The following DGKB variants were observed in gnomAD, a reference collection of about 807,000 sequenced individuals.
DGKB encodes 90 kDa diacylglycerol kinase.
DGKB carries 67 observed loss-of-function variants against 114.3 expected under a neutral mutation model. The ratio of observed to expected loss-of-function variants is 0.59; its 90% CI spans 0.48 to 0.72. The LOEUF (loss-of-function observed/expected upper bound fraction) is 0.72, where lower values mean the gene tolerates loss of function less well. DGKB is among the 30% of genes least tolerant of loss of function. The pLI, the probability that DGKB is intolerant of heterozygous loss-of-function variation, is 0.00. For missense variants in DGKB, 907 were observed against 975.2 expected (o/e 0.93, Z 0.93); for synonymous variants, 398 against 323.1 (o/e 1.23, Z -2.49).
chr7:14,469,540 A>G (rs1398483343), intron 21 of DGKB, among the ~76,000 whole-genome samples: 1 of 152,032 alleles, frequency 6.6e-6, no homozygotes, highest in Non-Finnish European at 1.5e-5. Flanking sequence ...CCAAAGAGCC[A>G]TCTTACAAAC....
intron 2 of DGKB, among the ~76,000 whole-genome samples, chr7:14,777,900 T>C (rs1838446243): frequency 1.3e-5 from 2 of 152,194 alleles, no homozygotes; most frequent in African/African-American, 4.8e-5. Flanking sequence ...TAATTTGTCA[T>C]AGCAGTGTAT....
chr7:14,884,498 T>C (rs1454303210), intron 1 of DGKB, among the ~76,000 whole-genome samples: 3 of 151,986 alleles, frequency 2.0e-5, no homozygotes, highest in Non-Finnish European at 4.4e-5. Flanking sequence ...AAAATATCTG[T>C]ACTTCTCCTG....
intron 20 of DGKB, among the ~76,000 whole-genome samples, chr7:14,501,193 T>C (rs931712869): frequency 6.6e-6 from 1 of 151,824 alleles, no homozygotes; most frequent in African/African-American, 2.4e-5. Context: ...GACTGTATGA[T>C]TTTTGTTAAA....
chr7:14,245,542 A>G (rs1201510921), intron 23 of DGKB, among the ~76,000 whole-genome samples: 1 of 152,164 alleles, frequency 6.6e-6, no homozygotes, highest in Non-Finnish European at 1.5e-5. Context: ...CCTTGGCAAG[A>G]CTAATGGTAT....
At chr7:14,696,063 T>C (rs1275943931) in intron 8 of DGKB, among the ~76,000 whole-genome samples, 3 of 152,178 alleles carry the variant, frequency 2.0e-5, no homozygotes, top group Non-Finnish European at 4.4e-5. Flanking sequence ...GTATTTGTTG[T>C]AGAAAGACTA....
At chr7:14,156,879 A>G (rs192578065) in intron 25 of DGKB, among the ~76,000 whole-genome samples, 16 of 152,306 alleles carry the variant, frequency 1.1e-4, no homozygotes, top group Admixed American at 1.0e-3. Flanking sequence ...ACATTCCTCA[A>G]TTTTGATAAT....
At chr7:14,262,039 CAAG>C (rs1562774844) in intron 23 of DGKB, among the ~76,000 whole-genome samples, 1 of 152,096 alleles carries the variant, frequency 6.6e-6, no homozygotes, top group Admixed American at 6.6e-5. Context: ...GGTGAATAAT[CAAG>C]AAGATGTATT....
intron 1 of DGKB, among the ~76,000 whole-genome samples, chr7:14,885,552 AT>A (rs1286595995): frequency 8.6e-5 from 13 of 151,834 alleles, no homozygotes; most frequent in Non-Finnish European, 1.3e-4. Flanking sequence ...ACAGTGGCAC[AT>A]AGAGATAAAA....
chr7:14,967,280 C>T (rs1787208853), intron 1 of DGKB, among the ~76,000 whole-genome samples: 1 of 151,890 alleles, frequency 6.6e-6, no homozygotes, highest in African/African-American at 2.4e-5. Flanking sequence ...CACAGCACAT[C>T]CTAAAGAACA....
At chr7:14,615,823 G>A (rs954948089) in intron 15 of DGKB, among the ~76,000 whole-genome samples, 2 of 151,534 alleles carry the variant, frequency 1.3e-5, no homozygotes, top group Non-Finnish European at 3.0e-5. Flanking sequence ...TAGTTAATTT[G>A]ATCTGTTTGA....
intron 23 of DGKB, among the ~76,000 whole-genome samples, chr7:14,248,208 T>C (rs1794745251): frequency 6.6e-6 from 1 of 152,136 alleles, no homozygotes; most frequent in African/African-American, 2.4e-5. Context: ...GGTTGACATG[T>C]CTGTTTTTAT....
At chr7:14,576,987 C>T (rs948273391) in intron 19 of DGKB, among the ~76,000 whole-genome samples, 5 of 152,068 alleles carry the variant, frequency 3.3e-5, no homozygotes, top group African/African-American at 1.2e-4. Flanking sequence ...ATATCTTTTC[C>T]CTACTTCTTG....
intron 23 of DGKB, among the ~76,000 whole-genome samples, chr7:14,208,533 CTT>C (rs1187841020): frequency 1.3e-5 from 2 of 151,996 alleles, no homozygotes; most frequent in African/African-American, 4.8e-5. Context: ...ATTTCTCCCT[CTT>C]TATACATCTT....
intron 23 of DGKB, among the ~76,000 whole-genome samples, chr7:14,249,038 C>T (rs373976534): frequency 3.3e-5 from 5 of 152,076 alleles, no homozygotes; most frequent in Admixed American, 6.5e-5. Context: ...ATTTGGTGAG[C>T]GTCTTTATTA....
intron 13 of DGKB, among the ~76,000 whole-genome samples, chr7:14,642,539 C>A (rs1050510781): frequency 2.0e-5 from 3 of 152,086 alleles, no homozygotes; most frequent in Non-Finnish European, 2.9e-5. Flanking sequence ...ACAGAAACAA[C>A]TTCACACAGA....
At chr7:14,819,783 A>G (rs931206018) in intron 2 of DGKB, among the ~76,000 whole-genome samples, 10 of 152,144 alleles carry the variant, frequency 6.6e-5, no homozygotes, top group African/African-American at 2.4e-4. Context: ...CATGTTCTTA[A>G]TATCTATACC....
rs563409245 is a variant in DGKB, at chr7:14,299,519, T to C, written c.2122+38996A>G. The stretch of plus-strand genomic sequence containing the variant: ...TTGCAATACAGAAAGCTAAATTAAC[T>C]TAACACTACAAAGATGCTTCATGCA... On this transcript the variant is annotated intron_variant, in intron 23 of 25. Coordinates refer to ENST00000402815, the MANE Select transcript of DGKB (RefSeq NM_001350709.2). 2.4e-4 allele frequency among the ~76,000 whole-genome samples: 36 copies of C among 152,214 alleles called. 1 individual carries two copies. The South Asian group carries it at 4.8e-3, about 20-fold the overall frequency.
At position 14,863,792 on chromosome 7, in the gene DGKB, T is replaced by TA. The variant is rs542539067; in HGVS notation, c.-187-22343dup. Among the ~76,000 whole-genome samples the TA allele has an allele frequency of 8.6e-3, 1,299 of 151,368 alleles. 15 individuals carry two copies. The highest frequency in any genetic ancestry group is 0.029 in the African/African-American group (1,183 of 41,302). On this transcript the variant is annotated intron_variant, in intron 1 of 25. Transcript: ENST00000402815. Reference sequence around the variant, plus strand: ...GATTCTGGGGCAGTATATGTTAAATTAAAAAAAAATTAACTTAAAAATGGA... The same window carrying TA: ...GATTCTGGGGCAGTATATGTTAAATTAAAAAAAAAATTAACTTAAAAATGGA...
intron 21 of DGKB, among the ~76,000 whole-genome samples, chr7:14,382,702 A>AT (rs1260249287): frequency 1.3e-5 from 2 of 152,342 alleles, no homozygotes; most frequent in East Asian, 3.9e-4. Flanking sequence ...ATGAAGGAAC[A>AT]TAAAAGTTTT....
Sources: allele counts gnomAD v4.1 joint callset (sites outside exome capture counted in the v4.1 genomes callset), GRCh38; gene constraint gnomAD v4.1.1; transcripts MANE v1.5; gene names NCBI Gene and HGNC (gene_info 2026-07-23, HGNC 2026-07-21).